PRH1: variants seen among roughly 807,000 people sequenced by gnomAD.
PRH1 encodes the protein salivary acidic proline-rich phosphoprotein 1/2.
In PRH1, 7 loss-of-function variants were observed where a neutral mutation model predicts 7.9. The ratio of observed to expected loss-of-function variants is 0.89; its 90% CI spans 0.50 to 1.67. PRH1 has a LOEUF of 1.67. Ranked by LOEUF, PRH1 falls within the 40% of genes most tolerant of loss-of-function variation. The pLI is 0.00. For missense variants in PRH1, 109 were observed against 223.6 expected (o/e 0.49, Z 3.27); for synonymous variants, 45 against 80.8 (o/e 0.56, Z 2.38).
intron 1 of PRH1, among the ~76,000 whole-genome samples, chr12:10,999,787 G>C (rs961369486): frequency 6.6e-6 from 1 of 152,058 alleles, no homozygotes; most frequent in South Asian, 2.1e-4. Context: ...AGCTTGGTCT[G>C]TCCTGCTTTG....
intron 1 of PRH1, among the ~76,000 whole-genome samples, chr12:11,044,448 T>G (rs890661574): frequency 1.3e-5 from 2 of 151,936 alleles, no homozygotes; most frequent in African/African-American, 4.8e-5. Context: ...TGGGATGACA[T>G]CAAGTTAAAA....
At chr12:10,997,683 G>A (rs1940355629) in intron 1 of PRH1, 17 of 1,613,714 alleles carry the variant, frequency 1.1e-5, no homozygotes, top group Non-Finnish European at 1.4e-5. Context: ...GAATACCAAT[G>A]TAATAATATT....
intron 1 of PRH1, among the ~76,000 whole-genome samples, chr12:11,025,163 G>A (rs1941845098): frequency 6.6e-6 from 1 of 151,992 alleles, no homozygotes. Flanking sequence ...GACTGCAGGT[G>A]CCCGCCACCA....
At chr12:11,119,902 T>G (rs1407582678), downstream of PRH1, among the ~76,000 whole-genome samples, 1 of 152,198 alleles carries the variant, frequency 6.6e-6, no homozygotes, top group Non-Finnish European at 1.5e-5. Context: ...AAATGTAACT[T>G]TTATATTTTA....
chr12:10,972,137 A>G (rs1432496273), intron 2 of PRH1, among the ~76,000 whole-genome samples: 1 of 152,198 alleles, frequency 6.6e-6, no homozygotes, highest in Non-Finnish European at 1.5e-5. Context: ...GAAATATAAA[A>G]ATGTTTATAC....
chr12:11,078,122 T>A (rs1944362392), intron 1 of PRH1: 1 of 616,982 alleles, frequency 1.6e-6, no homozygotes, highest in Non-Finnish European at 3.1e-6. Flanking sequence ...GCTGAGGAGA[T>A]CTTTCGTGTC....
At chr12:10,996,824 T>C in intron 1 of PRH1, 1 of 824,936 alleles carries the variant, frequency 1.2e-6, no homozygotes, top group Non-Finnish European at 1.8e-6. Context: ...GACTTTTCTA[T>C]GTCAACTTTT....
chr12:10,932,376 T>G, intron 2 of PRH1: 1 of 257,556 alleles, frequency 3.9e-6, no homozygotes, highest in South Asian at 3.9e-5. Flanking sequence ...CTGAGACCCA[T>G]GTTCACATTG....
intron 1 of PRH1, chr12:10,986,867 G>A: frequency 6.7e-7 from 1 of 1,496,228 alleles, no homozygotes; most frequent in South Asian, 1.4e-5. Flanking sequence ...TCATATCTGA[G>A]CAGAAAAAAA....
chr12:11,067,443 A>G (rs1169085072), intron 1 of PRH1, among the ~76,000 whole-genome samples: 8 of 120,196 alleles, frequency 6.7e-5, no homozygotes, highest in Non-Finnish European at 1.6e-4. Flanking sequence ...TTAAATTGGA[A>G]ATAAGAAAAA....
At chr12:11,154,689 C>T (rs1947201476) in intron 1 of PRH1, among the ~76,000 whole-genome samples, 1 of 152,164 alleles carries the variant, frequency 6.6e-6, no homozygotes, top group Non-Finnish European at 1.5e-5. Context: ...ATTGACAACT[C>T]CAAGTATCTT....
intron 1 of PRH1, among the ~76,000 whole-genome samples, chr12:11,107,261 C>A (rs1003235023): frequency 1.3e-5 from 2 of 152,158 alleles, no homozygotes; most frequent in African/African-American, 4.8e-5. Flanking sequence ...CTTGGCCTCC[C>A]AAAGTGCTTG....
In PRH1 at chr12:11,096,370, T is replaced by C. The variant is rs1235586552; in HGVS notation, n.124-49182A>G. ...TCAAAATTGATGACCCTTTTTTTTG[T>C]CTTATTGTTTTAGAGGTAGAAATGA... is the stretch of plus-strand genomic sequence containing the variant. On this transcript the variant is annotated intron_variant and non_coding_transcript_variant, in intron 1 of 4. Coordinates refer to the PRH1 transcript ENST00000541977. Among the ~76,000 whole-genome samples, 12 of 116,400 alleles carry C rather than the reference T, an allele frequency of 1.0e-4. 4 individuals are homozygous for C. The highest frequency in any genetic ancestry group is 3.5e-4 in the African/African-American group (12 of 34,720). The allele number at this position is 116,400 out of a possible 152,430, so 76.4% of individuals were successfully genotyped here.
At position 11,142,517 on chromosome 12, in the gene PRH1, C is replaced by CCT. The variant is rs1946729015; in HGVS notation, n.40-21338_40-21337insAG. ...AGACAAAAAGAACAATGAAACACAA[C>CCT]TGAGAGTCCAGAAACTAACACCAAC... On this transcript the variant is annotated intron_variant and non_coding_transcript_variant, in intron 1 of 1. Coordinates refer to the PRH1 transcript ENST00000541175. Among the ~76,000 whole-genome samples, 3 of 152,268 alleles carry CCT rather than the reference C, an allele frequency of 2.0e-5. No individual in the cohort carries two copies. In the South Asian group the frequency reaches 6.2e-4, roughly 32 times the overall value.
chr12:10,910,083 T>G (rs1008886243), intron 2 of PRH1, among the ~76,000 whole-genome samples: 7 of 152,180 alleles, frequency 4.6e-5, no homozygotes, highest in South Asian at 2.1e-4. Flanking sequence ...AGTACTATAT[T>G]ACATCATAAC....
At chr12:11,036,205 A>C (rs1184270926) in intron 1 of PRH1, among the ~76,000 whole-genome samples, 1 of 152,198 alleles carries the variant, frequency 6.6e-6, no homozygotes, top group African/African-American at 2.4e-5. Flanking sequence ...TGCTGTTTTA[A>C]TTAGCAGAAA....
chr12:11,086,738 A>G (rs1267432917), intron 1 of PRH1, among the ~76,000 whole-genome samples: 1 of 115,656 alleles, frequency 8.6e-6, no homozygotes, highest in Admixed American at 8.7e-5. Context: ...ACACGGTGAA[A>G]CCCTGTCTCC....
At chr12:11,138,291 T>C (rs543934518) in intron 1 of PRH1, among the ~76,000 whole-genome samples, 21 of 147,354 alleles carry the variant, frequency 1.4e-4, no homozygotes, top group African/African-American at 4.9e-4. Context: ...ACTAAATCTG[T>C]TATCTTACTA....
intron 1 of PRH1, among the ~76,000 whole-genome samples, chr12:11,137,605 T>C (rs1277982128): frequency 6.6e-6 from 1 of 152,202 alleles, no homozygotes. Flanking sequence ...TCCATAGTGA[T>C]CATAGTGAAA....
Sources: gnomAD v4.1 joint callset for allele counts (sites outside exome capture counted in the v4.1 genomes callset) on GRCh38, gnomAD v4.1.1 for gene constraint, MANE v1.5 for transcripts, NCBI Gene and HGNC (gene_info 2026-07-23, HGNC 2026-07-21) for gene names.